Variants in PCA3 observed in about 807,000 individuals in gnomAD.
PCA3 encodes the protein prostate cancer associated 3.
At chr9:76,764,464 T>C (rs2052110629) in intron 2 of PCA3, 3 of 152,142 alleles carry the variant, frequency 2.0e-5, no homozygotes, top group Admixed American at 2.0e-4. Context: ...GCCGAGAAGC[T>C]GGCATCAGAA....
At chr9:76,767,051 G>A (rs1024326409) in intron 2 of PCA3, among the ~76,000 whole-genome samples, 1 of 152,098 alleles carries the variant, frequency 6.6e-6, no homozygotes, top group African/African-American at 2.4e-5. Flanking sequence ...GCTGTATTCT[G>A]GTATAGCGTC....
intron 2 of PCA3, among the ~76,000 whole-genome samples, chr9:76,768,903 C>A (rs115798470): frequency 6.6e-6 from 1 of 152,080 alleles, no homozygotes; most frequent in Non-Finnish European, 1.5e-5. Context: ...AAACGCTGTA[C>A]TTTATAAAAA....
intron 2 of PCA3, among the ~76,000 whole-genome samples, chr9:76,772,267 T>C (rs1231823930): frequency 2.0e-5 from 3 of 152,216 alleles, no homozygotes; most frequent in East Asian, 1.9e-4. Context: ...TCTTAGCTAC[T>C]GGTATGGTGT....
chr9:76,779,048 T>A (rs2054095817), intron 2 of PCA3: 1 of 152,222 alleles, frequency 6.6e-6, no homozygotes, highest in Non-Finnish European at 1.5e-5. Context: ...GTGATTTTTT[T>A]ATCTCACCTT....
intron 2 of PCA3, among the ~76,000 whole-genome samples, chr9:76,777,957 G>A (rs1173436174): frequency 6.6e-6 from 1 of 152,150 alleles, no homozygotes; most frequent in African/African-American, 2.4e-5. Flanking sequence ...GGAAAAGCAA[G>A]GAAGACAGCA....
chr9:76,774,464 T>TTTTA (rs2053513747), intron 2 of PCA3, among the ~76,000 whole-genome samples: 1 of 142,780 alleles, frequency 7.0e-6, no homozygotes, highest in African/African-American at 2.6e-5. Flanking sequence ...TTTTTTTTTT[T>TTTTA]TTTTTTTTTT....
chr9:76,780,609 T>C (rs900961454), intron 2 of PCA3, among the ~76,000 whole-genome samples: 13 of 152,086 alleles, frequency 8.5e-5, no homozygotes, highest in Admixed American at 2.6e-4. Context: ...GAGAATGGCG[T>C]GAACCCAGGA....
chr9:76,786,917 C>T (rs1200237012), intron 2 of PCA3: 1 of 152,244 alleles, frequency 6.6e-6, no homozygotes, highest in Non-Finnish European at 1.5e-5. Flanking sequence ...GCATGCAAGA[C>T]TGCTGAAGCC....
intron 2 of PCA3, among the ~76,000 whole-genome samples, chr9:76,767,365 A>T (rs674941): frequency 1.3e-4 from 20 of 151,622 alleles, no homozygotes; most frequent in African/African-American, 4.6e-4. Context: ...GCAGGAGAAT[A>T]GCTTGAACTC....
At chr9:76,771,129 T>C (rs921331344) in intron 2 of PCA3, among the ~76,000 whole-genome samples, 1 of 152,150 alleles carries the variant, frequency 6.6e-6, no homozygotes, top group African/African-American at 2.4e-5. Flanking sequence ...AGAAATATTA[T>C]ATAAATTATG....
intron 2 of PCA3, among the ~76,000 whole-genome samples, chr9:76,766,749 G>T (rs2052437605): frequency 7.2e-6 from 1 of 139,106 alleles, no homozygotes. Flanking sequence ...AGCCTGAAAT[G>T]TACAATCCCC....
chr9:76,769,754 T>C (rs963888484), intron 2 of PCA3, among the ~76,000 whole-genome samples: 3 of 152,178 alleles, frequency 2.0e-5, no homozygotes, highest in African/African-American at 7.2e-5. Flanking sequence ...TGTATTTCTG[T>C]AGGAGAGCTT....
intron 2 of PCA3, among the ~76,000 whole-genome samples, chr9:76,774,661 A>T (rs1478790316): frequency 6.6e-6 from 1 of 151,504 alleles, no homozygotes; most frequent in African/African-American, 2.4e-5. Context: ...GTTTCACCAT[A>T]TTGGTCAGGC....
intron 2 of PCA3, among the ~76,000 whole-genome samples, chr9:76,768,082 T>G (rs2052620926): frequency 6.6e-6 from 1 of 152,044 alleles, no homozygotes; most frequent in African/African-American, 2.4e-5. Context: ...CACCAATCCC[T>G]CCCTGGCCAT....
chr9:76,766,561 C>A (rs1315108168), intron 2 of PCA3, among the ~76,000 whole-genome samples: 1 of 152,150 alleles, frequency 6.6e-6, no homozygotes, highest in Non-Finnish European at 1.5e-5. Flanking sequence ...ATGGATAGTG[C>A]CTCTCCCATC....
At chr9:76,770,854 CT>C (rs1386531159) in intron 2 of PCA3, among the ~76,000 whole-genome samples, 2 of 152,118 alleles carry the variant, frequency 1.3e-5, no homozygotes, top group Non-Finnish European at 2.9e-5. Flanking sequence ...AGTACCTCAA[CT>C]TTGATAATAT....
chr9:76,773,116 A>G (rs76235008), intron 2 of PCA3, among the ~76,000 whole-genome samples: 2,841 of 152,300 alleles, frequency 0.019, 49 homozygotes, highest in Middle Eastern at 0.027. Flanking sequence ...CCTACTTTAT[A>G]TTACTTTAAG....
At chr9:76,785,863 A>T (rs956818298) in intron 2 of PCA3, 1 of 152,150 alleles carries the variant, frequency 6.6e-6, no homozygotes, top group Admixed American at 6.5e-5. Flanking sequence ...TATCACCACC[A>T]TATCTCATTA....
chr9:76,773,714 G>A (rs543405205), intron 2 of PCA3, among the ~76,000 whole-genome samples: 1 of 152,256 alleles, frequency 6.6e-6, no homozygotes, highest in South Asian at 2.1e-4. Context: ...AAAGTGCTGG[G>A]ATTACAGGCG....
Sources: gnomAD v4.1 joint callset for allele counts (sites outside exome capture counted in the v4.1 genomes callset) on GRCh38, gnomAD v4.1.1 for gene constraint, MANE v1.5 for transcripts, NCBI Gene and HGNC (gene_info 2026-07-23, HGNC 2026-07-21) for gene names.